Variants in ADAMTS12 observed in about 807,000 individuals in gnomAD.
ADAMTS12 encodes the protein ADAM metallopeptidase with thrombospondin type 1 motif 12, also known as A disintegrin and metalloproteinase with thrombospondin motifs 12.
Under a neutral mutation model 167.8 loss-of-function variants are expected in ADAMTS12, and 118 were observed. The observed-to-expected ratio is 0.70, with a 90% confidence interval of 0.61 to 0.82. ADAMTS12 has a LOEUF of 0.82. ADAMTS12 is among the 40% of genes least tolerant of loss of function. ADAMTS12 has a pLI of 0.00. For missense variants in ADAMTS12, 1,916 were observed against 1,998.8 expected (o/e 0.96, Z 0.79); for synonymous variants, 704 against 716.9 (o/e 0.98, Z 0.29).
chr5:33,862,243 G>C (rs1301476310), intron 2 of ADAMTS12, among the ~76,000 whole-genome samples: 1 of 152,084 alleles, frequency 6.6e-6, no homozygotes, highest in Non-Finnish European at 1.5e-5. Context: ...TCCAGGAGCT[G>C]ATTTTTTGAA....
chr5:33,869,378 T>G (rs1301685730), intron 2 of ADAMTS12, among the ~76,000 whole-genome samples: 2 of 151,966 alleles, frequency 1.3e-5, no homozygotes, highest in African/African-American at 2.4e-5. Flanking sequence ...AATGCCTGGA[T>G]GTCCAAGCAG....
chr5:33,633,853 G>A (rs1056716660), intron 12 of ADAMTS12, among the ~76,000 whole-genome samples: 1 of 152,042 alleles, frequency 6.6e-6, no homozygotes, highest in African/African-American at 2.4e-5. Flanking sequence ...TTACTCCCCT[G>A]CCCTGACACA....
chr5:33,568,493 A>C (rs987972752), intron 19 of ADAMTS12, among the ~76,000 whole-genome samples: 5 of 152,228 alleles, frequency 3.3e-5, no homozygotes, highest in African/African-American at 4.8e-5. Context: ...GAGAGATAGC[A>C]GATCAGAGTG....
chr5:33,531,183 C>A (rs1744082673), intron 23 of ADAMTS12, among the ~76,000 whole-genome samples: 1 of 152,194 alleles, frequency 6.6e-6, no homozygotes, highest in African/African-American at 2.4e-5. Flanking sequence ...TGGCCGGCAA[C>A]CGCCAGCAGC....
intron 20 of ADAMTS12, among the ~76,000 whole-genome samples, chr5:33,551,968 C>A (rs1031716520): frequency 6.6e-6 from 1 of 152,092 alleles, no homozygotes; most frequent in Admixed American, 6.6e-5. Context: ...GTAAAGCCTG[C>A]GAACCAGACT....
intron 2 of ADAMTS12, among the ~76,000 whole-genome samples, chr5:33,771,274 G>A (rs895229037): frequency 6.6e-5 from 10 of 152,100 alleles, no homozygotes; most frequent in Admixed American, 2.6e-4. Flanking sequence ...TTAGCTTAAA[G>A]TAAAAAAGGA....
At chr5:33,680,609 C>T (rs949926836) in intron 5 of ADAMTS12, among the ~76,000 whole-genome samples, 2 of 151,776 alleles carry the variant, frequency 1.3e-5, no homozygotes, top group African/African-American at 4.8e-5. Context: ...TTTTTTTCTC[C>T]AAGGTATCAA....
intron 2 of ADAMTS12, among the ~76,000 whole-genome samples, chr5:33,764,312 T>C (rs768399113): frequency 1.3e-5 from 2 of 152,368 alleles, no homozygotes; most frequent in Non-Finnish European, 2.9e-5. Flanking sequence ...TCTGGAACTA[T>C]ATCTGAATAT....
At chr5:33,829,807 C>G (rs1748226320) in intron 2 of ADAMTS12, among the ~76,000 whole-genome samples, 1 of 152,190 alleles carries the variant, frequency 6.6e-6, no homozygotes, top group African/African-American at 2.4e-5. Flanking sequence ...CAGTCCCACT[C>G]TAATGTTGAC....
intron 20 of ADAMTS12, among the ~76,000 whole-genome samples, chr5:33,549,641 C>A (rs1037009415): frequency 1.3e-5 from 2 of 152,238 alleles, no homozygotes; most frequent in African/African-American, 4.8e-5. Context: ...GTACGCTGAG[C>A]CTCAGGTGTC....
intron 3 of ADAMTS12, among the ~76,000 whole-genome samples, chr5:33,718,030 G>A (rs1192259917): frequency 6.6e-6 from 1 of 152,270 alleles, no homozygotes; most frequent in South Asian, 2.1e-4. Context: ...TTTAAATTGC[G>A]CTTCTCACGT....
At chr5:33,616,159 T>C in intron 14 of ADAMTS12, 87 bp from the exon 15 acceptor site, 3 of 1,522,528 alleles carry the variant, frequency 2.0e-6, no homozygotes, top group Non-Finnish European at 2.6e-6. Flanking sequence ...TAATCCTCTT[T>C]CCAGCCTCCC....
intron 20 of ADAMTS12, among the ~76,000 whole-genome samples, chr5:33,553,272 G>A (rs970798132): frequency 2.0e-5 from 3 of 152,198 alleles, no homozygotes; most frequent in Non-Finnish European, 2.9e-5. Flanking sequence ...TGGTGGGAGA[G>A]TATATTAGTT....
rs1434818332 is a variant in ADAMTS12, at chr5:33,846,818, A to G, written c.489+34301T>C. On this transcript the variant is annotated intron_variant, in intron 2 of 23. Transcript: ENST00000504830. ...GGTTTGAAGGCTTTTCAGCACAACT[A>G]TGAAGCAATGAGTCCTAAAAAGATA... 5.3e-5 allele frequency among the ~76,000 whole-genome samples: 8 copies of G among 152,248 alleles called. 1 individual carries two copies. Among genetic ancestry groups the G allele is most frequent in the Non-Finnish European group, 8.8e-5 (6 of 68,050 alleles).
chr5:33,645,144 T>TTTTTTA (rs1320844423), intron 9 of ADAMTS12, among the ~76,000 whole-genome samples: 34 of 146,086 alleles, frequency 2.3e-4, no homozygotes, highest in Admixed American at 7.5e-4. Context: ...AAATGCTTTA[T>TTTTTTA]TTATTATTAT....
At chr5:33,529,264 C>T (rs1743978556) in intron 23 of ADAMTS12, among the ~76,000 whole-genome samples, 1 of 152,156 alleles carries the variant, frequency 6.6e-6, no homozygotes, top group South Asian at 2.1e-4. Flanking sequence ...TTTTCTTGGC[C>T]TTGCTTTTCC....
At chr5:33,705,266 G>GGTGTGT (rs70964413) in intron 3 of ADAMTS12, among the ~76,000 whole-genome samples, 2,006 of 144,004 alleles carry the variant, frequency 0.014, 17 homozygotes, top group South Asian at 0.029. Flanking sequence ...AGTATTCCAT[G>GGTGTGT]GTGTGTGTGT....
At chr5:33,831,745 T>C (rs982065016) in intron 2 of ADAMTS12, among the ~76,000 whole-genome samples, 1 of 152,220 alleles carries the variant, frequency 6.6e-6, no homozygotes, top group African/African-American at 2.4e-5. Flanking sequence ...TGGCTGCTTT[T>C]TTATGATTAT....
chr5:33,856,597 T>G (rs1425925167), intron 2 of ADAMTS12, among the ~76,000 whole-genome samples: 1 of 150,824 alleles, frequency 6.6e-6, no homozygotes, highest in Non-Finnish European at 1.5e-5. Context: ...TCTCTAAATT[T>G]TAAAGGATTT....
Sources: allele counts gnomAD v4.1 joint callset (sites outside exome capture counted in the v4.1 genomes callset), GRCh38; gene constraint gnomAD v4.1.1; transcripts MANE v1.5; gene names NCBI Gene and HGNC (gene_info 2026-07-23, HGNC 2026-07-21).